TRIM51: variants seen among roughly 807,000 people sequenced by gnomAD.
The protein encoded by TRIM51 is tripartite motif-containing 51, also known as tripartite motif-containing protein 51.
In TRIM51, 23 loss-of-function variants were observed where a neutral mutation model predicts 32.7. The ratio of observed to expected loss-of-function variants is 0.70; its 90% confidence interval spans 0.51 to 1.00. TRIM51 has a LOEUF of 1.00. TRIM51 is among the 50% of genes least tolerant of loss of function. The pLI is 0.00. For synonymous variants in TRIM51, 177 were observed against 181.9 expected (o/e 0.97, Z 0.22); for missense variants, 592 against 539.2 (o/e 1.10, Z -0.97).
rs1224939172 is a variant in TRIM51 at position 55,883,310 on chromosome 11, T to C, written c.-79T>C. The C allele has an allele frequency of 6.6e-6, 1 of 152,188 alleles. No individual in the cohort carries two copies. The highest frequency in any genetic ancestry group is 6.6e-5 in the Admixed American group (1 of 15,264). The allele number at this position is 152,188 out of a possible 1,614,324, so 9.4% of individuals were successfully genotyped here. ...AAAGTCAACTCTGCAGGGAATGAGC[T>C]CCTGATCTTGGGGAGTACTTAAAAG... On this transcript the variant is annotated 5_prime_UTR_variant, in exon 1 of 7. Transcript: ENST00000449290.
chr11:55,890,610 T>A (rs1311678944), intron 6 of TRIM51, among the ~76,000 whole-genome samples: 1 of 152,148 alleles, frequency 6.6e-6, no homozygotes, highest in Non-Finnish European at 1.5e-5. Flanking sequence ...AAAATTCGGT[T>A]TCAGTCTAGA....
intron 5 of TRIM51, 82 bp from the exon 6 acceptor site, chr11:55,889,860 G>A (rs372632665): frequency 1.0e-6 from 1 of 972,398 alleles, no homozygotes; most frequent in Non-Finnish European, 1.6e-6. Flanking sequence ...GGATTCTCAT[G>A]AAATGTCTTT....
intron 5 of TRIM51, among the ~76,000 whole-genome samples, chr11:55,889,236 C>CA (rs1854617712): frequency 6.6e-6 from 1 of 151,434 alleles, no homozygotes; most frequent in East Asian, 1.9e-4. Context: ...ATAAATAAAA[C>CA]AAAAAATAAA....
rs1454628904 is a variant in TRIM51, at chr11:55,891,196, G to T, written c.923G>T (p.Ser308Ile). The change falls in exon 7 of 7, where the codon AGC becomes ATC. Residue 308 changes from serine to isoleucine, a missense_variant. Ser to Ile is a moderately radical substitution (Grantham distance 142). Coordinates refer to ENST00000449290, the MANE Select transcript of TRIM51 (RefSeq NM_032681.4). ...SHIFLCGDLRSMNVGCDPQDD... is the reference protein window; with the variant it reads ...SHIFLCGDLRIMNVGCDPQDD... Reference sequence around the variant, plus strand: ...ATCTTCCTGTGTGGAGATTTGAGAAGCATGAATGTTGGATGTGACCCTCAA... The same window carrying T: ...ATCTTCCTGTGTGGAGATTTGAGAATCATGAATGTTGGATGTGACCCTCAA... The T allele has an allele frequency of 3.1e-6, 5 of 1,603,114 alleles. No individual in the cohort carries two copies. The highest frequency in any genetic ancestry group is 1.3e-5 in the African/African-American group (1 of 74,882).
At chr11:55,890,554 G>A (rs1433587740) in intron 6 of TRIM51, among the ~76,000 whole-genome samples, 1 of 152,154 alleles carries the variant, frequency 6.6e-6, no homozygotes, top group Non-Finnish European at 1.5e-5. Context: ...AAATGGAAAT[G>A]ATAATTTCAG....
chr11:55,886,990 A>G (rs1854585968), intron 3 of TRIM51, among the ~76,000 whole-genome samples: 1 of 152,150 alleles, frequency 6.6e-6, no homozygotes, highest in Non-Finnish European at 1.5e-5. Flanking sequence ...GGTGTAAAGA[A>G]GAAAGAAAAC....
intron 1 of TRIM51, among the ~76,000 whole-genome samples, chr11:55,885,114 T>C (rs1854558573): frequency 6.6e-6 from 1 of 152,200 alleles, no homozygotes; most frequent in South Asian, 2.1e-4. Context: ...TGTTTCATTC[T>C]AGACCACTTA....
At chr11:55,889,897 T>C in intron 5 of TRIM51, 45 bp from the exon 6 acceptor site, 1 of 1,106,022 alleles carries the variant, frequency 9.0e-7, no homozygotes, top group Non-Finnish European at 1.3e-6. Context: ...TTTTTATGTA[T>C]TTTTTTTGGC....
chr11:55,888,349 A>G (rs1854604449), intron 4 of TRIM51, 87 bp downstream of exon 4: 1 of 1,013,924 alleles, frequency 9.9e-7, no homozygotes, highest in East Asian at 2.5e-5. Context: ...CTCCCCCTTC[A>G]CTTCCATTAT....
rs1854644473 is a variant in TRIM51 at position 55,891,225 on chromosome 11, G to C, written c.952G>C (p.Asp318His). Reference protein sequence around the residue: ...SMNVGCDPQDDPDITGKSECF... With the variant: ...SMNVGCDPQDHPDITGKSECF... ...GAATGTTGGATGTGACCCTCAAGAT[G>C]ATCCCGATATCACTGGAAAATCTGA... The change falls in exon 7 of 7, where the codon GAT (aspartate) becomes CAT (histidine). Residue 318 changes from aspartate (D) to histidine (H), a missense_variant. Transcript: ENST00000449290. 13 of 1,605,546 alleles carry C rather than the reference G, an allele frequency of 8.1e-6. No individual in the cohort carries two copies. The highest frequency in any genetic ancestry group is 1.0e-5 in the Non-Finnish European group (12 of 1,179,724).
chr11:55,885,328 C>T (rs564669875), intron 1 of TRIM51, 97 bp from the exon 2 acceptor site: 1 of 1,265,638 alleles, frequency 7.9e-7, no homozygotes, highest in East Asian at 2.3e-5. Context: ...TTAATGAGCA[C>T]TGTCAAGAAG....
chr11:55,886,209 A>C lies in TRIM51; in HGVS notation c.498A>C (p.Arg166Ser). The C allele has an allele frequency of 1.9e-6, 3 of 1,613,370 alleles. No homozygotes were observed. In the African/African-American group the frequency reaches 4.0e-5, roughly 22 times the overall value. Reference sequence around the variant, plus strand: ...TGAACATGGAAACCACAAGAACCAGATGCTGGAAGGTTAGTACCGTATGAC... The same window carrying C: ...TGAACATGGAAACCACAAGAACCAGCTGCTGGAAGGTTAGTACCGTATGAC... ...RNLNMETTRTRCWKDYVSLRI... is the reference protein window; with the variant it reads ...RNLNMETTRTSCWKDYVSLRI... Residue 166 changes from arginine to serine, a missense_variant, in exon 3 of 7, where the codon AGA becomes AGC. Arg to Ser is a moderately radical substitution (Grantham distance 110, BLOSUM62 -1). Transcript: ENST00000449290.
rs2134534283 is a variant in TRIM51, at chr11:55,885,709, G to T, written c.281G>T (p.Gly94Val). The stretch of plus-strand genomic sequence containing the variant: ...CTTAGCTCTGAGGAGCAAATATGTG[G>T]GATGCACAGAGAGACAAAGAAGATG... ...QFLSSEEQIC[G>V]MHRETKKMFC... The change falls in exon 2 of 7, where the codon GGG becomes GTG. Residue 94 changes from glycine (G) to valine (V), a missense_variant. Gly to Val is a moderately radical substitution (Grantham distance 109, BLOSUM62 -3). Transcript: ENST00000449290. The T allele has an allele frequency of 6.2e-7, 1 of 1,611,604 alleles. No individual in the cohort carries two copies. The highest frequency in any genetic ancestry group is 8.5e-7 in the Non-Finnish European group (1 of 1,179,682).
At chr11:55,885,985 T>A (rs1189002081) in intron 2 of TRIM51, 138 bp from the exon 3 acceptor site, 1 of 1,487,426 alleles carries the variant, frequency 6.7e-7, no homozygotes, top group Non-Finnish European at 9.0e-7. Flanking sequence ...CTCTCAGATT[T>A]GACAAACATG....
chr11:55,891,068 T>C, intron 6 of TRIM51, 65 bp from the exon 7 acceptor site: 1 of 1,330,064 alleles, frequency 7.5e-7, no homozygotes. Context: ...GAACAACATT[T>C]CCCTCAAGAA....
intron 6 of TRIM51, 136 bp downstream of exon 6, chr11:55,890,175 A>C: frequency 1.6e-6 from 1 of 610,320 alleles, no homozygotes; most frequent in Non-Finnish European, 2.9e-6. Flanking sequence ...CAACCCTTTT[A>C]TATCTGTGTT....
chr11:55,884,161 A>AAC (rs1224027416), intron 1 of TRIM51, among the ~76,000 whole-genome samples: 1 of 68,276 alleles, frequency 1.5e-5, no homozygotes, highest in Non-Finnish European at 2.7e-5. Context: ...CTATAACTAT[A>AAC]TATATATATA....
chr11:55,889,385 AG>A (rs1369131840), intron 5 of TRIM51, among the ~76,000 whole-genome samples: 2 of 152,160 alleles, frequency 1.3e-5, no homozygotes, highest in Non-Finnish European at 2.9e-5. Context: ...CAGAGAGAAA[AG>A]GGGAAAGTAT....
intron 5 of TRIM51, 71 bp from the exon 6 acceptor site, chr11:55,889,871 T>C: frequency 9.4e-7 from 1 of 1,062,162 alleles, no homozygotes; most frequent in South Asian, 1.3e-5. Context: ...AAATGTCTTT[T>C]AAATAAGAGT....
Sources: allele counts gnomAD v4.1 joint callset (sites outside exome capture counted in the v4.1 genomes callset), GRCh38; gene constraint gnomAD v4.1.1; transcripts MANE v1.5; gene names NCBI Gene and HGNC (gene_info 2026-07-23, HGNC 2026-07-21).